The following CACNA1C variants were observed in gnomAD, a reference collection of about 807,000 sequenced individuals.
CACNA1C encodes the protein voltage-dependent L-type calcium channel subunit alpha-1C.
CACNA1C carries 30 observed loss-of-function variants against 229.0 expected under a neutral mutation model. The observed-to-expected ratio is 0.13, with a 90% CI of 0.10 to 0.18. CACNA1C has a LOEUF of 0.18. Among genes scored for constraint, CACNA1C ranks in the 10% least tolerant of loss-of-function variants. The pLI is 1.00. For missense variants in CACNA1C, 1,658 were observed against 2,845.0 expected, an observed-to-expected ratio of 0.58 and a Z score of 9.49; for synonymous variants, 1,114 against 1,132.5, an observed-to-expected ratio of 0.98 and a Z score of 0.33.
At chr12:2,120,806 GT>G (rs201240833) in intron 3 of CACNA1C, among the ~76,000 whole-genome samples, 1,921 of 152,164 alleles carry the variant, frequency 0.013, 49 homozygotes, top group African/African-American at 0.044. Context: ...TCCTTTGAAT[GT>G]CTTTGTTCCA....
intron 2 of CACNA1C, among the ~76,000 whole-genome samples, chr12:2,117,746 G>A (rs1202605094): frequency 6.6e-6 from 1 of 152,248 alleles, no homozygotes; most frequent in Non-Finnish European, 1.5e-5. Flanking sequence ...GGACACGCCG[G>A]ACCTGGATCC....
chr12:2,509,536 T>C (rs1159647630), intron 8 of CACNA1C, among the ~76,000 whole-genome samples: 2 of 152,142 alleles, frequency 1.3e-5, no homozygotes, highest in Non-Finnish European at 2.9e-5. Flanking sequence ...TTAATATATA[T>C]GATTGATTCA....
At chr12:2,437,635 GATGGTGGAGATAGGGGAGGTGGAA>G in intron 3 of CACNA1C, among the ~76,000 whole-genome samples, 1 of 152,360 alleles carries the variant, frequency 6.6e-6, no homozygotes, top group East Asian at 1.9e-4. Flanking sequence ...TGGAGGTGAT[GATGGTGGAGATAGGGGAGGTGGAA>G]ATGGTGGTAA....
intron 3 of CACNA1C, among the ~76,000 whole-genome samples, chr12:2,425,262 G>A (rs1219270002): frequency 6.6e-6 from 1 of 152,236 alleles, no homozygotes; most frequent in Non-Finnish European, 1.5e-5. Context: ...TTTAAAAGCT[G>A]TTGTTAAGCA....
At chr12:2,056,196 A>AGTGTGTGTGTGTGTGT (rs138718348) in intron 1 of CACNA1C, among the ~76,000 whole-genome samples, 1 of 146,014 alleles carries the variant, frequency 6.8e-6, no homozygotes, top group Non-Finnish European at 1.5e-5. Flanking sequence ...AGTGTGTGTG[A>AGTGTGTGTGTGTGTGT]GTGTGTGTGT....
Position 2,348,951 on chromosome 12 carries a change from TG to T in CACNA1C, c.478-100023del, listed in dbSNP as rs1409070407. Among the ~76,000 whole-genome samples the T allele has an allele frequency of 1.3e-5, 2 of 152,170 alleles. No homozygotes were observed. Among genetic ancestry groups the T allele is most frequent in the Admixed American group, 1.3e-4 (2 of 15,276 alleles). On this transcript the variant is annotated intron_variant, in intron 3 of 46. Coordinates refer to ENST00000399655, the MANE Select transcript of CACNA1C (RefSeq NM_000719.7). This position sits in a 1 kb window ranked among gnomAD's most constrained non-coding sequence, Gnocchi z 4.7. ...TAGAGGCAGGCATCGACTGGCTAAC[TG>T]GTATGATACTTTGGAGTTCAGTTAG...
chr12:2,202,025 A>G (rs918615445), intron 3 of CACNA1C, among the ~76,000 whole-genome samples: 2 of 152,144 alleles, frequency 1.3e-5, no homozygotes, highest in Non-Finnish European at 2.9e-5. Context: ...GACCATTTAT[A>G]TTTTTCTGGT....
chr12:2,555,996 T>C (rs1028405835), intron 10 of CACNA1C, among the ~76,000 whole-genome samples: 1 of 152,192 alleles, frequency 6.6e-6, no homozygotes, highest in African/African-American at 2.4e-5. Context: ...TAACTTGCGT[T>C]CTGTCCTTCT....
chr12:2,636,282 T>G (rs1372740550), intron 30 of CACNA1C, among the ~76,000 whole-genome samples: 2 of 152,212 alleles, frequency 1.3e-5, no homozygotes, highest in Non-Finnish European at 2.9e-5. Flanking sequence ...ACTGCAGCTC[T>G]GGGGGTCCTA....
chr12:2,260,333 G>A (rs1171727808), intron 3 of CACNA1C, among the ~76,000 whole-genome samples: 2 of 151,368 alleles, frequency 1.3e-5, no homozygotes, highest in Non-Finnish European at 2.9e-5. Context: ...ATAATTAGCT[G>A]GCCATAATGC....
At chr12:2,386,655 C>T (rs1157876160) in intron 3 of CACNA1C, among the ~76,000 whole-genome samples, 1 of 152,192 alleles carries the variant, frequency 6.6e-6, no homozygotes, top group African/African-American at 2.4e-5. Context: ...CCTCTGTGAC[C>T]TGTATGTCTT....
At chr12:2,356,757 A>T (rs1255185588) in intron 3 of CACNA1C, among the ~76,000 whole-genome samples, 1 of 152,192 alleles carries the variant, frequency 6.6e-6, no homozygotes, top group Non-Finnish European at 1.5e-5. Context: ...CAGGGGCTGG[A>T]CTTGGTCAGC....
intron 3 of CACNA1C, among the ~76,000 whole-genome samples, chr12:2,434,362 A>G (rs1451063427): frequency 6.6e-6 from 1 of 152,192 alleles, no homozygotes; most frequent in Non-Finnish European, 1.5e-5. Context: ...AGTATTTCCT[A>G]TTTAATGTGT....
intron 3 of CACNA1C, among the ~76,000 whole-genome samples, chr12:2,170,290 A>G (rs981533953): frequency 3.3e-5 from 5 of 152,180 alleles, no homozygotes; most frequent in Non-Finnish European, 7.3e-5. Context: ...AGGGTTATGA[A>G]AAAAGGGGGA....
intron 5 of CACNA1C, among the ~76,000 whole-genome samples, chr12:2,464,058 C>G (rs956741787): frequency 6.6e-6 from 1 of 151,982 alleles, no homozygotes; most frequent in Non-Finnish European, 1.5e-5. Flanking sequence ...ATCTCATATG[C>G]CTTCTGGAGA....
chr12:2,402,696 T>C (rs940117117), intron 3 of CACNA1C, among the ~76,000 whole-genome samples: 2 of 152,190 alleles, frequency 1.3e-5, no homozygotes, highest in African/African-American at 4.8e-5. Context: ...CTACTAGCAA[T>C]AGCCTTGCAT....
chr12:2,579,575 T>TATTA (rs904607274), intron 13 of CACNA1C, among the ~76,000 whole-genome samples: 1 of 152,036 alleles, frequency 6.6e-6, no homozygotes, highest in African/African-American at 2.4e-5. Flanking sequence ...GTTGTTCTAT[T>TATTA]ATTAATTAAT....
At position 2,287,230 on chromosome 12, in the gene CACNA1C, G is replaced by C. The variant is rs926684956; in HGVS notation, c.478-161746G>C. On this transcript the variant is annotated intron_variant, in intron 3 of 46. Transcript: ENST00000399655. This position sits in a 1 kb window ranked among gnomAD's most constrained non-coding sequence, Gnocchi z 4.6. Reference sequence around the variant, plus strand: ...TTCCCAAGGAATATTCTAGAGGAAGGGTTTCTGGGAATGACCTTCCCAAGG... The same window carrying C: ...TTCCCAAGGAATATTCTAGAGGAAGCGTTTCTGGGAATGACCTTCCCAAGG... 5.3e-5 allele frequency among the ~76,000 whole-genome samples: 8 copies of C among 152,184 alleles called. No homozygotes were observed. The highest frequency in any genetic ancestry group is 1.0e-4 in the Non-Finnish European group (7 of 68,034).
chr12:2,416,809 G>A (rs777697011), intron 3 of CACNA1C, among the ~76,000 whole-genome samples: 7 of 152,210 alleles, frequency 4.6e-5, no homozygotes, highest in Non-Finnish European at 1.0e-4. Flanking sequence ...CCTCTGAAAA[G>A]GACCCTTTAC....
Sources: gnomAD v4.1 joint callset for allele counts (sites outside exome capture counted in the v4.1 genomes callset) on GRCh38, gnomAD v4.1.1 for gene constraint, Gnocchi (gnomAD v3.1) non-coding constraint, MANE v1.5 for transcripts, NCBI Gene and HGNC (gene_info 2026-07-23, HGNC 2026-07-21) for gene names.